DSCAML1: variants seen among roughly 807,000 people sequenced by gnomAD.
DSCAML1 encodes DS cell adhesion molecule like 1.
A neutral mutation model predicts 200.5 loss-of-function variants in DSCAML1; 38 were observed. That is an observed-to-expected ratio of 0.19 (90% confidence interval 0.15 to 0.25). The LOEUF is 0.25. Ranked by LOEUF, DSCAML1 falls within the 10% of genes least tolerant of loss-of-function variation. The pLI is 1.00. For missense variants in DSCAML1, 2,223 were observed against 2,858.8 expected (o/e 0.78, Z 5.07); for synonymous variants, 1,215 against 1,165.0 (o/e 1.04, Z -0.87).
intron 3 of DSCAML1, among the ~76,000 whole-genome samples, chr11:117,763,550 C>T (rs1032230768): frequency 7.2e-5 from 11 of 152,108 alleles, no homozygotes; most frequent in African/African-American, 1.4e-4. Context: ...CATTGCCCTT[C>T]GATACATACA....
Position 117,428,118 on chromosome 11 carries a change from C to A in DSCAML1, c.*210G>T. 2.0e-6 allele frequency: 1 copy of A among 498,566 alleles called. No homozygotes were observed. The highest frequency in any genetic ancestry group is 3.5e-6 in the Non-Finnish European group (1 of 283,382). The allele number at this position is 498,566 out of a possible 1,614,324, so 30.9% of individuals were successfully genotyped here. A position where few individuals can be genotyped will look rare whatever the true frequency, so the allele number is the denominator to read the frequency against. On this transcript the variant is annotated 3_prime_UTR_variant, in exon 33 of 33. Transcript: ENST00000651296. Reference sequence around the variant, plus strand: ...GGGATTTGACTTGTACTGTCAAATTCTTTGTGCCCTGGCTTCATGGAGAAG... The same window carrying A: ...GGGATTTGACTTGTACTGTCAAATTATTTGTGCCCTGGCTTCATGGAGAAG...
At chr11:117,557,526 T>C (rs1017253589) in intron 3 of DSCAML1, among the ~76,000 whole-genome samples, 3 of 152,224 alleles carry the variant, frequency 2.0e-5, no homozygotes, top group Non-Finnish European at 4.4e-5. Context: ...TCTTCCTGCC[T>C]TTCATCTGAG....
rs1287799380 is a variant in DSCAML1, at chr11:117,516,560, C to T, written c.1690G>A (p.Val564Met). 6 of 1,613,918 alleles carry T rather than the reference C, an allele frequency of 3.7e-6. No homozygotes were observed. Among genetic ancestry groups the T allele is most frequent in the Admixed American group, 1.7e-5 (1 of 59,992 alleles). ...FENGTLKLTD[V>M]QKGMDEGEYL... ...TCCCCCTCATCCATGCCCTTCTGCA[C>T]GTCAGTCAGCTTGAGGGTCCCATTC... The change falls in exon 8 of 33, where the codon GTG (valine) becomes ATG (methionine). Residue 564 changes from valine to methionine, a missense_variant. This residue lies in a region of DSCAML1 where 212 missense variants were observed against 368.0 expected (regional missense o/e 0.58). Coordinates refer to ENST00000651296, the MANE Select transcript of DSCAML1 (RefSeq NM_020693.4). This position sits in a 1 kb window ranked among gnomAD's most constrained non-coding sequence, Gnocchi z 5.7.
intron 3 of DSCAML1, among the ~76,000 whole-genome samples, chr11:117,623,216 C>CTTTTTTTTTTTT (rs56343852): frequency 5.0e-4 from 60 of 121,098 alleles, no homozygotes; most frequent in Admixed American, 8.9e-4. Flanking sequence ...CTTTTCTTTT[C>CTTTTTTTTTTTT]TTTTTTTTTT....
intron 3 of DSCAML1, among the ~76,000 whole-genome samples, chr11:117,735,110 G>A (rs565698525): frequency 9.2e-5 from 14 of 152,344 alleles, no homozygotes; most frequent in African/African-American, 3.4e-4. Context: ...CTTGCAGGGT[G>A]GAAAGGGCAG....
chr11:117,554,158 G>A (rs2050517107), intron 3 of DSCAML1, among the ~76,000 whole-genome samples: 1 of 152,128 alleles, frequency 6.6e-6, no homozygotes. Flanking sequence ...AGGGGAGGGG[G>A]AATGGGGAGC....
At chr11:117,661,401 A>AT (rs2052846665) in intron 3 of DSCAML1, among the ~76,000 whole-genome samples, 1 of 152,236 alleles carries the variant, frequency 6.6e-6, no homozygotes, top group African/African-American at 2.4e-5. Context: ...AATAGTGAAT[A>AT]CACAGTGTAC....
chr11:117,608,945 T>A (rs1254372291), intron 3 of DSCAML1, among the ~76,000 whole-genome samples: 1 of 151,830 alleles, frequency 6.6e-6, no homozygotes, highest in Non-Finnish European at 1.5e-5. Flanking sequence ...GGTGGGCGGA[T>A]CACTTGAGGT....
In DSCAML1 at chr11:117,505,323, C is replaced by T; in HGVS notation, c.2062+131G>A. On this transcript the variant is annotated intron_variant, in intron 9 of 32. Coordinates refer to ENST00000651296, the MANE Select transcript of DSCAML1 (RefSeq NM_020693.4). This position sits in a 1 kb window ranked among gnomAD's most constrained non-coding sequence, Gnocchi z 6.7. ...CCCTGGAAAATAAGAGGTTTAGGCT[C>T]CAACAGGCCCTTCAAGATGCTGGAG... The T allele has an allele frequency of 7.7e-7, 1 of 1,291,522 alleles. No individual in the cohort carries two copies. Among genetic ancestry groups the T allele is most frequent in the Non-Finnish European group, 1.1e-6 (1 of 951,836 alleles). 80.0% of individuals were successfully genotyped at this position (1,291,522 alleles called of 1,614,324 possible).
intron 1 of DSCAML1, among the ~76,000 whole-genome samples, chr11:117,813,719 C>T (rs757417683): frequency 9.9e-5 from 15 of 152,138 alleles, no homozygotes; most frequent in African/African-American, 3.6e-4. Flanking sequence ...TACCACAAGA[C>T]CTCCCTTCAG....
chr11:117,745,650 G>A (rs2054504991), intron 3 of DSCAML1, among the ~76,000 whole-genome samples: 2 of 152,180 alleles, frequency 1.3e-5, no homozygotes, highest in South Asian at 4.1e-4. Context: ...TCCTCCTCCG[G>A]AATGGCTCCC....
chr11:117,462,196 T>C (rs1021638025), intron 17 of DSCAML1, among the ~76,000 whole-genome samples: 2 of 152,198 alleles, frequency 1.3e-5, no homozygotes, highest in Non-Finnish European at 2.9e-5. Flanking sequence ...TCTGGGACCA[T>C]TAAAGCTTCG....
chr11:117,430,747 C>T lies in DSCAML1; in HGVS notation c.5661G>A (p.Val1887=), dbSNP rs940908055. 3 of 1,613,342 alleles carry T rather than the reference C, an allele frequency of 1.9e-6. No homozygotes were observed. Among genetic ancestry groups the T allele is most frequent in the Non-Finnish European group, 1.7e-6 (2 of 1,179,760 alleles). The part of the protein sequence containing the change: ...QDADRGKNVA[V]PIPHRANKSD... ...TCTTGTTGGCCCGGTGAGGGATGGG[C>T]ACAGCCACGTTTTTGCCCCGGTCCG... Residue 1887 remains valine (V), a synonymous_variant, in exon 32 of 33, where the codon GTG becomes GTA. Transcript: ENST00000651296.
intron 3 of DSCAML1, among the ~76,000 whole-genome samples, chr11:117,578,799 A>T (rs1238289974): frequency 6.6e-6 from 1 of 152,140 alleles, no homozygotes; most frequent in Non-Finnish European, 1.5e-5. Context: ...CCCAGGTATG[A>T]ATCTGTAGCC....
intron 3 of DSCAML1, among the ~76,000 whole-genome samples, chr11:117,664,937 A>G (rs1299674796): frequency 6.6e-6 from 1 of 152,082 alleles, no homozygotes; most frequent in East Asian, 1.9e-4. Flanking sequence ...ATCAACAAAC[A>G]CTGTGGTCTG....
intron 14 of DSCAML1, among the ~76,000 whole-genome samples, chr11:117,473,315 G>A (rs1432052282): frequency 5.3e-5 from 8 of 152,124 alleles, no homozygotes; most frequent in Non-Finnish European, 1.5e-5. Flanking sequence ...GGGACAATAT[G>A]GTGAAACTCT....
At chr11:117,655,560 A>G (rs932368152) in intron 3 of DSCAML1, among the ~76,000 whole-genome samples, 4 of 152,180 alleles carry the variant, frequency 2.6e-5, no homozygotes, top group Admixed American at 2.0e-4. Flanking sequence ...AGTGCAATCC[A>G]TATTTCAGCC....
At chr11:117,456,094 C>T (rs2048363375) in intron 19 of DSCAML1, among the ~76,000 whole-genome samples, 1 of 152,164 alleles carries the variant, frequency 6.6e-6, no homozygotes. Flanking sequence ...GAGGATAAGT[C>T]TGTTGAGGGG....
At chr11:117,769,942 G>C (rs2055007213) in intron 3 of DSCAML1, among the ~76,000 whole-genome samples, 1 of 152,020 alleles carries the variant, frequency 6.6e-6, no homozygotes, top group African/African-American at 2.4e-5. Flanking sequence ...TGACCTCTCA[G>C]GTCTCTCACC....
Sources: allele counts gnomAD v4.1 joint callset (sites outside exome capture counted in the v4.1 genomes callset), GRCh38; gene constraint gnomAD v4.1.1; regional missense constraint gnomAD v4.1.1; non-coding constraint Gnocchi (gnomAD v3.1); transcripts MANE v1.5; gene names NCBI Gene and HGNC (gene_info 2026-07-23, HGNC 2026-07-21).